Variants in IFT80 observed in about 807,000 individuals in gnomAD.
IFT80 encodes intraflagellar transport protein 80 homolog.
Under a neutral mutation model 107.9 loss-of-function variants are expected in IFT80, and 79 were observed. The observed-to-expected ratio is 0.73, with a 90% CI of 0.61 to 0.88. IFT80 has a LOEUF of 0.88. Among genes scored for constraint, IFT80 ranks in the 40% least tolerant of loss-of-function variants. The pLI, the probability that IFT80 is intolerant of heterozygous loss-of-function variation, is 0.00. For missense variants in IFT80, 797 were observed against 914.2 expected (o/e 0.87, Z 1.65); for synonymous variants, 299 against 300.9 (o/e 0.99, Z 0.07).
chr3:160,295,209 A>T (rs2108258764), intron 12 of IFT80, among the ~76,000 whole-genome samples: 1 of 152,310 alleles, frequency 6.6e-6, no homozygotes, highest in Non-Finnish European at 1.5e-5. Flanking sequence ...TTAAGAAGAC[A>T]ACATGTTGGT....
chr3:160,275,656 G>A (rs1049028560), intron 18 of IFT80, among the ~76,000 whole-genome samples: 2 of 151,308 alleles, frequency 1.3e-5, no homozygotes, highest in African/African-American at 4.9e-5. Flanking sequence ...ATTTTTTTTT[G>A]TTAAATTGTA....
In IFT80 at chr3:160,333,142, G is replaced by A. The variant is rs544636829; in HGVS notation, c.778-13203C>T. Among the ~76,000 whole-genome samples, 18 of 152,020 alleles carry A rather than the reference G, an allele frequency of 1.2e-4. No individual in the cohort carries two copies. The South Asian group carries it at 3.5e-3, about 30-fold the overall frequency. On this transcript the variant is annotated intron_variant, in intron 8 of 19. Transcript: ENST00000326448. ...CCTAAACATACCTAAACACAAAAAAGGTATAATAAAATACATCATTAAAAC... is the reference window on the plus strand; with the variant it reads ...CCTAAACATACCTAAACACAAAAAAAGTATAATAAAATACATCATTAAAAC...
intron 19 of IFT80, among the ~76,000 whole-genome samples, chr3:160,265,457 T>C (rs1026628505): frequency 6.6e-6 from 1 of 152,222 alleles, no homozygotes; most frequent in Non-Finnish European, 1.5e-5. Flanking sequence ...TCTGAAGTAT[T>C]TCCCAGATCT....
chr3:160,349,430 C>A (rs1490522495), intron 8 of IFT80, among the ~76,000 whole-genome samples: 1 of 151,248 alleles, frequency 6.6e-6, no homozygotes, highest in Non-Finnish European at 1.5e-5. Context: ...GCCTGGGTAA[C>A]AGAGCTAGAC....
At chr3:160,387,428 C>T (rs768305782) in intron 1 of IFT80, among the ~76,000 whole-genome samples, 16 of 152,188 alleles carry the variant, frequency 1.1e-4, no homozygotes, top group East Asian at 9.6e-4. Flanking sequence ...AGCTTGAACC[C>T]GGGAAGTGGA....
At chr3:160,396,759 T>C (rs1462118599) in intron 1 of IFT80, among the ~76,000 whole-genome samples, 8 of 152,216 alleles carry the variant, frequency 5.3e-5, no homozygotes, top group African/African-American at 1.2e-4. Flanking sequence ...TTAAACTCTG[T>C]TAATTTCATG....
chr3:160,315,059 G>GGGAGGGAGGGAA (rs1553758081), intron 9 of IFT80, among the ~76,000 whole-genome samples: 4 of 67,054 alleles, frequency 6.0e-5, no homozygotes, highest in Non-Finnish European at 1.4e-4. Flanking sequence ...AAGGAAGGGA[G>GGGAGGGAGGGAA]GGAGGGAGGG....
At chr3:160,294,423 G>A (rs543951336) in intron 12 of IFT80, among the ~76,000 whole-genome samples, 2 of 152,252 alleles carry the variant, frequency 1.3e-5, no homozygotes, top group South Asian at 4.1e-4. Flanking sequence ...GTTTCACCAT[G>A]TTGCGCAGGC....
chr3:160,358,756 G>C (rs1721284122), intron 6 of IFT80, among the ~76,000 whole-genome samples: 1 of 151,628 alleles, frequency 6.6e-6, no homozygotes, highest in African/African-American at 2.4e-5. Flanking sequence ...TGTAATTTAG[G>C]GTATCAACAT....
intron 8 of IFT80, among the ~76,000 whole-genome samples, chr3:160,322,484 T>C (rs1718316804): frequency 6.6e-6 from 1 of 152,082 alleles, no homozygotes; most frequent in East Asian, 1.9e-4. Flanking sequence ...TGAATAGTGC[T>C]ACAATCAATA....
In IFT80 at chr3:160,333,732, A is replaced by G. The variant is rs116035798; in HGVS notation, c.778-13793T>C. Among the ~76,000 whole-genome samples, 680 of 152,276 alleles carry G rather than the reference A, an allele frequency of 4.5e-3. 7 individuals are homozygous for G. Among genetic ancestry groups the G allele is most frequent in the African/African-American group, 0.016 (654 of 41,562 alleles). The stretch of plus-strand genomic sequence containing the variant: ...TATGATAACAATGTCTTCTTCTGCA[A>G]TACTTCCTGAAGGACCTATGTGAGG... On this transcript the variant is annotated intron_variant, in intron 8 of 19. Transcript: ENST00000326448.
At chr3:160,290,212 G>A (rs1160278698) in intron 12 of IFT80, among the ~76,000 whole-genome samples, 3 of 151,944 alleles carry the variant, frequency 2.0e-5, no homozygotes, top group South Asian at 2.1e-4. Context: ...TTTGAGACCC[G>A]CCTGGCCAAC....
chr3:160,352,045 T>G (rs1178316644), intron 8 of IFT80, among the ~76,000 whole-genome samples: 1 of 151,022 alleles, frequency 6.6e-6, no homozygotes, highest in East Asian at 1.9e-4. Context: ...AGACAGAGTC[T>G]CTCTCTGTCA....
chr3:160,297,059 C>A (rs1263530214), intron 12 of IFT80, among the ~76,000 whole-genome samples: 1 of 152,080 alleles, frequency 6.6e-6, no homozygotes, highest in African/African-American at 2.4e-5. Context: ...ATTCATAGTT[C>A]TCTATTTCCA....
At chr3:160,360,490 C>T (rs1019561500) in intron 6 of IFT80, among the ~76,000 whole-genome samples, 1 of 152,138 alleles carries the variant, frequency 6.6e-6, no homozygotes, top group African/African-American at 2.4e-5. Flanking sequence ...CATTAAAATT[C>T]AGGAAATACA....
chr3:160,301,857 C>T (rs1716452086), intron 11 of IFT80, among the ~76,000 whole-genome samples: 1 of 151,930 alleles, frequency 6.6e-6, no homozygotes, highest in Non-Finnish European at 1.5e-5. Context: ...AAAGTATGAA[C>T]TTCCAGAACT....
At chr3:160,269,171 G>C (rs1713596975) in intron 18 of IFT80, among the ~76,000 whole-genome samples, 1 of 150,906 alleles carries the variant, frequency 6.6e-6, no homozygotes, top group African/African-American at 2.4e-5. Flanking sequence ...GGAAGTTGCA[G>C]TGAGCTGAGA....
chr3:160,341,622 T>G (rs1225920513), intron 8 of IFT80, among the ~76,000 whole-genome samples: 2 of 152,106 alleles, frequency 1.3e-5, no homozygotes, highest in Admixed American at 6.6e-5. Context: ...GGACTAAGAT[T>G]CTTGTCTCAG....
chr3:160,298,738 A>T (rs1716185172), intron 12 of IFT80, among the ~76,000 whole-genome samples: 2 of 152,152 alleles, frequency 1.3e-5, no homozygotes, highest in Admixed American at 1.3e-4. Context: ...AACCTAGACA[A>T]TATAACTTAC....
Sources: allele counts gnomAD v4.1 joint callset (sites outside exome capture counted in the v4.1 genomes callset), GRCh38; gene constraint gnomAD v4.1.1; transcripts MANE v1.5; gene names NCBI Gene and HGNC (gene_info 2026-07-23, HGNC 2026-07-21).